Variants in KCNMA1 observed in about 807,000 individuals in gnomAD.
The protein encoded by KCNMA1 is Calcium-activated potassium channel subunit alpha-1.
A neutral mutation model predicts 140.0 loss-of-function variants in KCNMA1; 29 were observed. The observed-to-expected ratio is 0.21, with a 90% CI of 0.15 to 0.28. KCNMA1 has a LOEUF of 0.28. Ranked by LOEUF, KCNMA1 falls within the 10% of genes least tolerant of loss-of-function variation. KCNMA1 has a pLI of 1.00. For synonymous variants in KCNMA1, 612 were observed against 611.9 expected (o/e 1.00, Z 0.00); for missense variants, 880 against 1,602.2 (o/e 0.55, Z 7.70).
intron 20 of KCNMA1, among the ~76,000 whole-genome samples, chr10:76,969,276 G>GAAGGAA: frequency 1.7e-5 from 1 of 58,876 alleles, no homozygotes; most frequent in South Asian, 5.4e-4. Context: ...GGGAGGGAGG[G>GAAGGAA]GGAAGAAGGG....
intron 1 of KCNMA1, among the ~76,000 whole-genome samples, chr10:77,567,299 T>A (rs115912633): frequency 0.01 from 1,556 of 152,230 alleles, 24 homozygotes; most frequent in African/African-American, 0.035. Flanking sequence ...CCTCTTAAAA[T>A]CAGAACCCCG....
At chr10:76,951,002 C>T (rs904936036) in intron 21 of KCNMA1, among the ~76,000 whole-genome samples, 1 of 152,178 alleles carries the variant, frequency 6.6e-6, no homozygotes, top group African/African-American at 2.4e-5. Flanking sequence ...AGACAGCCAA[C>T]CAGTCTATAA....
intron 2 of KCNMA1, among the ~76,000 whole-genome samples, chr10:77,382,112 C>T (rs1189581773): frequency 6.6e-6 from 1 of 152,160 alleles, no homozygotes; most frequent in Non-Finnish European, 1.5e-5. Context: ...CCATCAGGCA[C>T]TCATCAGCCA....
chr10:77,520,315 G>A (rs1025502491), intron 1 of KCNMA1, among the ~76,000 whole-genome samples: 2 of 149,984 alleles, frequency 1.3e-5, no homozygotes, highest in African/African-American at 4.9e-5. Context: ...TGTGCAGTGT[G>A]AGGGTATCCA....
chr10:77,436,082 T>C (rs57574117), intron 1 of KCNMA1, among the ~76,000 whole-genome samples: 2,267 of 152,306 alleles, frequency 0.015, 60 homozygotes, highest in African/African-American at 0.052. Context: ...GTAGAGAACG[T>C]CAGAAAAGGC....
chr10:77,079,629 C>CATGCAT, intron 12 of KCNMA1, 79 bp from the exon 13 acceptor site: 1 of 982,514 alleles, frequency 1.0e-6, no homozygotes, highest in East Asian at 2.4e-5. Context: ...TTACTGTCTC[C>CATGCAT]AAATGGGGTA....
At chr10:77,107,422 A>C (rs2097218890) in intron 9 of KCNMA1, among the ~76,000 whole-genome samples, 1 of 152,214 alleles carries the variant, frequency 6.6e-6, no homozygotes, top group African/African-American at 2.4e-5. Context: ...ATTTAACTCT[A>C]TGTAAGTTAT....
chr10:76,954,829 A>G (rs1320297862), intron 20 of KCNMA1, among the ~76,000 whole-genome samples: 1 of 152,206 alleles, frequency 6.6e-6, no homozygotes, highest in African/African-American at 2.4e-5. Flanking sequence ...CCTCCCGTCT[A>G]GTGGGTTGGC....
chr10:77,413,904 C>G (rs2096676229), intron 1 of KCNMA1, among the ~76,000 whole-genome samples: 1 of 152,194 alleles, frequency 6.6e-6, no homozygotes, highest in Non-Finnish European at 1.5e-5. Context: ...TTACCCCGAG[C>G]TGTCAGAAAG....
At chr10:76,990,411 G>A (rs1197332205) in intron 19 of KCNMA1, among the ~76,000 whole-genome samples, 2 of 152,270 alleles carry the variant, frequency 1.3e-5, no homozygotes, top group Non-Finnish European at 2.9e-5. Flanking sequence ...GCACAGTGAG[G>A]GGAATGGCAT....
At chr10:77,040,325 C>T (rs1265790277) in intron 14 of KCNMA1, among the ~76,000 whole-genome samples, 1 of 151,922 alleles carries the variant, frequency 6.6e-6, no homozygotes, top group East Asian at 1.9e-4. Flanking sequence ...CACTACAATT[C>T]CATTTGAAGT....
intron 2 of KCNMA1, among the ~76,000 whole-genome samples, chr10:77,324,971 C>CTCTCTCTCTCTCTCTCTG (rs766240356): frequency 6.6e-5 from 6 of 90,370 alleles, no homozygotes; most frequent in Non-Finnish European, 1.3e-4. Flanking sequence ...CTCTCTCTCT[C>CTCTCTCTCTCTCTCTCTG]TGTGTGTGTG....
chr10:77,058,280 G>A (rs923603611), intron 14 of KCNMA1, among the ~76,000 whole-genome samples: 4 of 151,906 alleles, frequency 2.6e-5, no homozygotes, highest in Non-Finnish European at 4.4e-5. Context: ...AAAACCTGAC[G>A]GAACTAAAGT....
chr10:77,539,983 G>A (rs933941316), intron 1 of KCNMA1, among the ~76,000 whole-genome samples: 1 of 152,162 alleles, frequency 6.6e-6, no homozygotes, highest in Admixed American at 6.5e-5. Context: ...CCACCCCAAG[G>A]AAATCAATAT....
chr10:77,553,606 C>A (rs985459608), intron 1 of KCNMA1, among the ~76,000 whole-genome samples: 1 of 152,206 alleles, frequency 6.6e-6, no homozygotes, highest in Non-Finnish European at 1.5e-5. Context: ...AGCAGTGAGC[C>A]CACCTGCTAT....
At chr10:77,194,029 AG>A (rs2039571942) in intron 3 of KCNMA1, among the ~76,000 whole-genome samples, 1 of 152,128 alleles carries the variant, frequency 6.6e-6, no homozygotes, top group South Asian at 2.1e-4. Flanking sequence ...ATCTATAACC[AG>A]GGATAGCCAA....
chr10:77,392,587 C>T (rs778732496), intron 2 of KCNMA1, among the ~76,000 whole-genome samples: 79 of 152,246 alleles, frequency 5.2e-4, no homozygotes, highest in Non-Finnish European at 9.8e-4. Context: ...GCTGAATGAA[C>T]CAACATATGT....
chr10:77,609,631 G>A (rs374032232), intron 1 of KCNMA1, among the ~76,000 whole-genome samples: 22 of 152,208 alleles, frequency 1.4e-4, no homozygotes, highest in Middle Eastern at 3.4e-3. Flanking sequence ...TAATGCATAC[G>A]ATAATTAGCT....
At chr10:76,996,451 G>A (rs3781156) in intron 19 of KCNMA1, among the ~76,000 whole-genome samples, 52,051 of 152,050 alleles carry the variant, frequency 0.34, 9,135 homozygotes, top group East Asian at 0.56. Context: ...GGATGACCCA[G>A]TGGCTGCCTA....
Sources: allele counts gnomAD v4.1 joint callset (sites outside exome capture counted in the v4.1 genomes callset), GRCh38; gene constraint gnomAD v4.1.1; transcripts MANE v1.5; gene names NCBI Gene and HGNC (gene_info 2026-07-23, HGNC 2026-07-21).